The following PODNL1 variants were observed in gnomAD, a reference collection of about 807,000 sequenced individuals.
The protein encoded by PODNL1 is podocan-like protein 1.
Under a neutral mutation model 45.1 loss-of-function variants are expected in PODNL1, and 50 were observed. The ratio of observed to expected loss-of-function variants is 1.11; its 90% CI spans 0.88 to 1.40. The LOEUF (loss-of-function observed/expected upper bound fraction) is 1.40. PODNL1 is among the 40% of genes most tolerant of loss of function. PODNL1 has a pLI of 0.00. For missense variants in PODNL1, 788 were observed against 793.3 expected, an observed-to-expected ratio of 0.99 and a Z score of 0.08; for synonymous variants, 406 against 372.5, an observed-to-expected ratio of 1.09 and a Z score of -1.04.
intron 5 of PODNL1, among the ~76,000 whole-genome samples, chr19:13,934,639 A>C (rs752205950): frequency 6.7e-6 from 1 of 149,776 alleles, no homozygotes; most frequent in Non-Finnish European, 1.5e-5. Flanking sequence ...ACGTGTGTGC[A>C]TGTGTGAGCA....
In PODNL1 at chr19:13,932,961, G is replaced by C; in HGVS notation, c.1262C>G (p.Pro421Arg). The change falls in exon 8 of 10, where the codon CCC (proline) becomes CGC (arginine). Residue 421 changes from proline to arginine, a missense_variant. Physicochemically the swap from Pro to Arg is moderately radical, Grantham distance 103. Coordinates refer to ENST00000588872, the MANE Select transcript of PODNL1 (RefSeq NM_001370095.3). ...NQLTRLPMGL[P>R]TGLRTLQLQR... ...CAGCTGCAGGGTGCGCAGGCCAGTG[G>C]GCAGGCCCATGGGCAGCCGGGTTAG... 1.3e-6 allele frequency: 2 copies of C among 1,558,920 alleles called. No individual in the cohort carries two copies. The highest frequency in any genetic ancestry group is 1.2e-5 in the South Asian group (1 of 86,288).
At chr19:13,936,130 C>A in intron 3 of PODNL1, 86 bp from the exon 4 acceptor site, 1 of 1,262,124 alleles carries the variant, frequency 7.9e-7, no homozygotes, top group South Asian at 1.3e-5. Flanking sequence ...CCAGGACTCT[C>A]GGCCGGGGAA....
intron 1 of PODNL1, among the ~76,000 whole-genome samples, chr19:13,948,014 C>T (rs904381798): frequency 1.3e-5 from 2 of 152,014 alleles, no homozygotes; most frequent in Non-Finnish European, 2.9e-5. Flanking sequence ...CTCAGGCCCT[C>T]ATGCTAATTT....
chr19:13,939,481 G>A (rs756237253), upstream of PODNL1, among the ~76,000 whole-genome samples: 1 of 152,018 alleles, frequency 6.6e-6, no homozygotes, highest in Non-Finnish European at 1.5e-5. Context: ...CAAAGTGCTC[G>A]GATTACAGGC....
rs1972526702 is a variant in PODNL1, at chr19:13,938,410, G to T, written c.-229C>A. ...CGGCCGGATGGGGTGGTGAGGACAG[G>T]CCAGCCCGTCCCCTTGGTCCCCCCC... On this transcript the variant is annotated 5_prime_UTR_variant, in exon 1 of 10. Coordinates refer to ENST00000588872, the MANE Select transcript of PODNL1 (RefSeq NM_001370095.3). 2.2e-6 allele frequency: 3 copies of T among 1,339,954 alleles called. No individual in the cohort carries two copies. The highest frequency in any genetic ancestry group is 2.9e-6 in the Non-Finnish European group (3 of 1,046,372). 83.0% of individuals were successfully genotyped at this position (1,339,954 alleles called of 1,614,324 possible).
chr19:13,947,609 T>C (rs1972866628), intron 1 of PODNL1, among the ~76,000 whole-genome samples: 1 of 152,098 alleles, frequency 6.6e-6, no homozygotes, highest in South Asian at 2.1e-4. Flanking sequence ...AGCGAAGGAT[T>C]GAGAGTGATG....
At chr19:13,953,251 G>C in exon 1 of PODNL1, 1 of 1,028,978 alleles carries the variant, frequency 9.7e-7, no homozygotes, top group Non-Finnish European at 1.4e-6. Flanking sequence ...GGGGGATGAT[G>C]TCTCTCTCCC....
Position 13,935,827 on chromosome 19 carries a change from AGAGCTGTGGGGACACAG to A in PODNL1, c.385-14_387del. 6.2e-7 allele frequency: 1 copy of A among 1,601,680 alleles called. No individual in the cohort carries two copies. Among genetic ancestry groups the A allele is most frequent in the South Asian group, 1.1e-5 (1 of 89,878 alleles). ...CGGGGCAGAAACTGAGGGGCCACTG[AGAGCTGTGGGGACACAG>A]CCCACAGCCGGACTGGTCCTGGTGC... On this transcript the variant is annotated splice_acceptor_variant and splice_polypyrimidine_tract_variant and coding_sequence_variant and intron_variant, in exon 5 of 10. Transcript: ENST00000588872. LOFTEE classifies it high-confidence loss of function.
At chr19:13,944,063 G>C (rs1599447212) in intron 1 of PODNL1, among the ~76,000 whole-genome samples, 1 of 152,012 alleles carries the variant, frequency 6.6e-6, no homozygotes, top group Non-Finnish European at 1.5e-5. Flanking sequence ...GGCTAGCTCT[G>C]GGGGGAGACC....
chr19:13,951,397 A>G (rs1973022423), intron 1 of PODNL1, among the ~76,000 whole-genome samples: 1 of 152,144 alleles, frequency 6.6e-6, no homozygotes, highest in South Asian at 2.1e-4. Flanking sequence ...ACACTTTGGG[A>G]AGCAGAGGTG....
rs566814699 is a variant in PODNL1 at position 13,937,835 on chromosome 19, G to A, written c.175C>T (p.Arg59Ter). ...CTGGTGATGTTGTCCGGGAACACTC[G>A]AAGGTCCAAGCCATCACAGTCCACA... ...DTVDCDGLDL[R>*]VFPDNITRAA... Residue 59 changes from arginine to a stop codon, truncating the protein, a stop_gained, in exon 2 of 10, where the codon CGA becomes TGA. Transcript: ENST00000588872. LOFTEE classifies it high-confidence loss of function. 3 of 1,596,556 alleles carry A rather than the reference G, an allele frequency of 1.9e-6. No homozygotes were observed. Among genetic ancestry groups the A allele is most frequent in the South Asian group, 2.3e-5 (2 of 88,070 alleles).
At chr19:13,952,370 A>C (rs1599456812) in intron 1 of PODNL1, 3 of 1,121,818 alleles carry the variant, frequency 2.7e-6, no homozygotes, top group Non-Finnish European at 3.4e-6. Context: ...TCAAGAGTCG[A>C]GATGGCTTTG....
In PODNL1 at chr19:13,943,708, T is replaced by C. The variant is rs149531167; in HGVS notation, c.19-5702A>G. On this transcript the variant is annotated intron_variant, in intron 1 of 7. Transcript: ENST00000538371. ...CGATCTCCTGACCTCATGATCCACC[T>C]GCCTCAGCCTCCCAAAGTGCTGGGA... is the stretch of plus-strand genomic sequence containing the variant. Among the ~76,000 whole-genome samples, 634 of 152,170 alleles carry C rather than the reference T, an allele frequency of 4.2e-3. 5 individuals carry two copies. The highest frequency in any genetic ancestry group is 0.014 in the African/African-American group (597 of 41,540).
chr19:13,933,873 T>C lies in PODNL1; in HGVS notation c.767+5A>G. On this transcript the variant is annotated splice_donor_5th_base_variant and intron_variant, in intron 7 of 9. Coordinates refer to ENST00000588872, the MANE Select transcript of PODNL1 (RefSeq NM_001370095.3). This position sits in a 1 kb window ranked among gnomAD's most constrained non-coding sequence, Gnocchi z 5.2. ...AGCCCCTGCTGCCCCCCAACCAGCC[T>C]GTACCTGAAGGTGGTGGCATCCAGG... 6.3e-7 allele frequency: 1 copy of C among 1,596,420 alleles called. No homozygotes were observed. Among genetic ancestry groups the C allele is most frequent in the Non-Finnish European group, 8.5e-7 (1 of 1,171,614 alleles).
At chr19:13,940,865 T>C (rs1446894996), upstream of PODNL1, among the ~76,000 whole-genome samples, 1 of 151,164 alleles carries the variant, frequency 6.6e-6, no homozygotes, top group African/African-American at 2.5e-5. Flanking sequence ...GTCTGGGCTA[T>C]GGTGCGAGAC....
At chr19:13,935,202 A>G (rs1972259732) in intron 5 of PODNL1, among the ~76,000 whole-genome samples, 2 of 152,112 alleles carry the variant, frequency 1.3e-5, no homozygotes, top group Admixed American at 1.3e-4. Flanking sequence ...GAGTTCTGAC[A>G]CAGCATACAG....
At position 13,934,498 on chromosome 19, in the gene PODNL1, A is replaced by G. The variant is rs1052832713; in HGVS notation, c.495-88T>C. 4.1e-6 allele frequency: 4 copies of G among 980,376 alleles called. No homozygotes were observed. In the East Asian group the frequency reaches 1.2e-4, roughly 31 times the overall value. The allele number at this position is 980,376 out of a possible 1,614,324, so 60.7% of individuals were successfully genotyped here. A position where few individuals can be genotyped will look rare whatever the true frequency, so the allele number is the denominator to read the frequency against. ...CCACACCCTGCTCAGGGTCGCCTTC[A>G]GTGTGTGTGTGTGTGTGTGTGTGTG... On this transcript the variant is annotated intron_variant, in intron 5 of 9. Coordinates refer to ENST00000588872, the MANE Select transcript of PODNL1 (RefSeq NM_001370095.3).
chr19:13,944,999 C>G (rs1972769616), intron 1 of PODNL1, among the ~76,000 whole-genome samples: 1 of 152,074 alleles, frequency 6.6e-6, no homozygotes, highest in Admixed American at 6.6e-5. Flanking sequence ...TGGTCTTGAA[C>G]TCCTGATCTC....
At chr19:13,939,752 G>T (rs914645635), upstream of PODNL1, 2 of 152,024 alleles carry the variant, frequency 1.3e-5, no homozygotes, top group Non-Finnish European at 2.9e-5. Context: ...GGGCATGATG[G>T]CACGTGCCTG....
Sources: allele counts gnomAD v4.1 joint callset (sites outside exome capture counted in the v4.1 genomes callset), GRCh38; gene constraint gnomAD v4.1.1; non-coding constraint Gnocchi (gnomAD v3.1); transcripts MANE v1.5; gene names NCBI Gene and HGNC (gene_info 2026-07-23, HGNC 2026-07-21).